MED6: variants seen among roughly 807,000 people sequenced by gnomAD.
MED6 encodes mediator of RNA polymerase II transcription subunit 6.
A neutral mutation model predicts 37.5 loss-of-function variants in MED6; 33 were observed. The observed-to-expected ratio is 0.88, with a 90% CI of 0.67 to 1.18. The LOEUF (loss-of-function observed/expected upper bound fraction) is 1.18. Among genes scored for constraint, MED6 ranks in the 50% most tolerant of loss-of-function variants. The probability of loss-of-function intolerance (pLI) is 0.00; values close to 1 mark genes in which losing one functional copy is unlikely to be tolerated. For synonymous variants in MED6, 94 were observed against 93.6 expected (o/e 1.00, Z -0.02); for missense variants, 235 against 290.6 (o/e 0.81, Z 1.39).
Position 70,591,364 on chromosome 14 carries a change from C to A in MED6, c.484G>T (p.Ala162Ser). 6.2e-7 allele frequency: 1 copy of A among 1,606,058 alleles called. No homozygotes were observed. Among genetic ancestry groups the A allele is most frequent in the South Asian group, 1.1e-5 (1 of 88,394 alleles). ...GAGCTTGGTTCTTCTTTCCTTTTGG[C>A]TTTAGGTCTGACTTTATCTATTAAA... ...HEEQDKVRPKAKRKEEPSSIF... is the reference protein window; with the variant it reads ...HEEQDKVRPKSKRKEEPSSIF... Residue 162 changes from alanine to serine, a missense_variant, in exon 6 of 8, where the codon GCC becomes TCC. Coordinates refer to ENST00000256379, the MANE Select transcript of MED6 (RefSeq NM_005466.4).
chr14:70,600,241 G>A (rs755315669), intron 1 of MED6, among the ~76,000 whole-genome samples: 1 of 152,146 alleles, frequency 6.6e-6, no homozygotes, highest in African/African-American at 2.4e-5. Flanking sequence ...CAAGTCCCAA[G>A]AGATGAATCA....
chr14:70,588,562 T>C (rs182724457), intron 6 of MED6, among the ~76,000 whole-genome samples: 3,358 of 151,994 alleles, frequency 0.022, 61 homozygotes, highest in Middle Eastern at 0.065. Flanking sequence ...GGCAGGTGCC[T>C]GTAGTCCCAG....
chr14:70,591,727 T>C (rs1957417455), intron 5 of MED6: 1 of 176,908 alleles, frequency 5.7e-6, no homozygotes. Context: ...ATTACCTTTG[T>C]TATTTTAAGT....
rs1324799443 is a variant in MED6 at position 70,584,770 on chromosome 14, AAC to A, written c.*41_*42del. On this transcript the variant is annotated 3_prime_UTR_variant, in exon 8 of 8. Transcript: ENST00000256379. The stretch of plus-strand genomic sequence containing the variant: ...AAGAGCCACAGTACTGAGGTATGAT[AAC>A]TAGCATGAGGAGTCTTCCAGGCTTC... The A allele has an allele frequency of 1.9e-6, 3 of 1,598,492 alleles. No homozygotes were observed. Among genetic ancestry groups the A allele is most frequent in the Non-Finnish European group, 2.6e-6 (3 of 1,174,680 alleles).
At chr14:70,586,050 T>C (rs1230057795) in intron 6 of MED6, among the ~76,000 whole-genome samples, 1 of 152,202 alleles carries the variant, frequency 6.6e-6, no homozygotes, top group Non-Finnish European at 1.5e-5. Flanking sequence ...CACTTGAACA[T>C]TTAACAAAGA....
rs1884619209 is a variant in MED6, at chr14:70,583,893, A to G, written c.*920T>C. The G allele has an allele frequency of 5.0e-6, 2 of 397,632 alleles. No homozygotes were observed. The highest frequency in any genetic ancestry group is 4.1e-5 in the African/African-American group (2 of 48,526). 24.6% of individuals were successfully genotyped at this position (397,632 alleles called of 1,614,324 possible). A position where few individuals can be genotyped will look rare whatever the true frequency, so the allele number is the denominator to read the frequency against. ...GGACTTTGCAGACTTCCTACCAGCA[A>G]GAAGGCCCTCACCAGATGGAGCCAA... is the stretch of plus-strand genomic sequence containing the variant. On this transcript the variant is annotated 3_prime_UTR_variant, in exon 8 of 8. Transcript: ENST00000256379.
chr14:70,597,763 T>C lies in MED6; in HGVS notation c.37A>G (p.Ile13Val), dbSNP rs1303412097. ...AVDIRDNLLG[I>V]SWVDSSWIPI... ...ATCCAAGAGCTGTCAACCCAAGAAA[T>C]TCCCAGCAGATTGTCTATGGGAAAG... The change falls in exon 2 of 8, where the codon ATT becomes GTT. Residue 13 changes from isoleucine to valine, a missense_variant. Coordinates refer to ENST00000256379, the MANE Select transcript of MED6 (RefSeq NM_005466.4). 6 of 1,550,992 alleles carry C rather than the reference T, an allele frequency of 3.9e-6. No homozygotes were observed. The highest frequency in any genetic ancestry group is 1.3e-5 in the South Asian group (1 of 79,868).
At chr14:70,600,148 C>T (rs951126758) in intron 1 of MED6, among the ~76,000 whole-genome samples, 7 of 151,834 alleles carry the variant, frequency 4.6e-5, no homozygotes, top group African/African-American at 1.5e-4. Flanking sequence ...AAAGTATTAT[C>T]GACTCAAAAA....
At chr14:70,595,766 C>T (rs1339098920) in intron 3 of MED6, 6 of 712,476 alleles carry the variant, frequency 8.4e-6, no homozygotes, top group South Asian at 1.5e-5. Context: ...AGACCCCACC[C>T]GCCAGGTAGT....
Position 70,597,631 on chromosome 14 carries a change from A to C in MED6, c.169T>G (p.Leu57Val). 1 of 1,502,506 alleles carries C rather than the reference A, an allele frequency of 6.7e-7. No individual in the cohort carries two copies. The highest frequency in any genetic ancestry group is 8.8e-7 in the Non-Finnish European group (1 of 1,130,646). The allele number at this position is 1,502,506 out of a possible 1,614,324, so 93.1% of individuals were successfully genotyped here. A position where few individuals can be genotyped will look rare whatever the true frequency, so the allele number is the denominator to read the frequency against. The change falls in exon 2 of 8, where the codon TTA (leucine) becomes GTA (valine). Residue 57 changes from leucine (L) to valine (V), a missense_variant. Physicochemically the swap from Leu to Val is conservative, Grantham distance 32. Transcript: ENST00000256379. ...AAAATAACTTACTTCAAGTGTTCTAATGTTAGCCTCTGCATTTTGACCACT... is the reference window on the plus strand; with the variant it reads ...AAAATAACTTACTTCAAGTGTTCTACTGTTAGCCTCTGCATTTTGACCACT... ...NEVVKMQRLT[L>V]EHLNQMVGIE...
rs1401951439 is a variant in MED6, at chr14:70,584,169, T to A, written c.*644A>T. 3 of 757,720 alleles carry A rather than the reference T, an allele frequency of 4.0e-6. No individual in the cohort carries two copies. The highest frequency in any genetic ancestry group is 3.4e-5 in the African/African-American group (2 of 58,318). The allele number at this position is 757,720 out of a possible 1,614,324, so 46.9% of individuals were successfully genotyped here. A position where few individuals can be genotyped will look rare whatever the true frequency, so the allele number is the denominator to read the frequency against. ...AATATGCTTAGTTACTACTTTAACA[T>A]CCTTTATGTCTTCAAAGTGCATCTG... is the stretch of plus-strand genomic sequence containing the variant. On this transcript the variant is annotated 3_prime_UTR_variant, in exon 8 of 8. Transcript: ENST00000256379.
chr14:70,588,713 AATAATAATAATAAT>A (rs1256916332), intron 6 of MED6, among the ~76,000 whole-genome samples: 1 of 126,280 alleles, frequency 7.9e-6, no homozygotes, highest in African/African-American at 3.5e-5. Context: ...TAATAATAAT[AATAATAATAATAAT>A]AATAATAATA....
At chr14:70,592,529 T>C (rs1218449346) in intron 5 of MED6, 1 of 135,130 alleles carries the variant, frequency 7.4e-6, no homozygotes, top group African/African-American at 2.7e-5. Context: ...GGTTTCACTA[T>C]GTTGCCCAAG....
intron 7 of MED6, 47 bp downstream of exon 7, chr14:70,585,709 T>C (rs1398299000): frequency 6.6e-7 from 1 of 1,521,874 alleles, no homozygotes; most frequent in East Asian, 2.3e-5. Context: ...ATTTACAAGC[T>C]GTTTGACCTT....
chr14:70,595,800 C>T (rs1419441395), intron 3 of MED6: 1 of 699,210 alleles, frequency 1.4e-6, no homozygotes, highest in Non-Finnish European at 2.6e-6. Context: ...GTGTCTGAGA[C>T]CAACAACATC....
chr14:70,593,181 T>C (rs1055175343), intron 4 of MED6, 115 bp downstream of exon 4: 1 of 1,203,684 alleles, frequency 8.3e-7, no homozygotes, highest in Non-Finnish European at 1.2e-6. Context: ...GACATTCTAA[T>C]AGTCAATACT....
chr14:70,600,529 A>G (rs1477340573), intron 1 of MED6, 87 bp downstream of exon 1: 8 of 1,466,954 alleles, frequency 5.5e-6, no homozygotes, highest in Middle Eastern at 1.7e-4. Context: ...CTTCACACAA[A>G]GGAACCTAAA....
Position 70,584,953 on chromosome 14 carries a change from A to C in MED6, c.611-10T>G. 6.2e-7 allele frequency: 1 copy of C among 1,610,860 alleles called. No individual in the cohort carries two copies. Among genetic ancestry groups the C allele is most frequent in the African/African-American group, 1.3e-5 (1 of 74,710 alleles). ...TTCTTTGTTTGATCCACTAGATATC[A>C]AAAGTAGATTTTTTGGGAGGGAGAT... On this transcript the variant is annotated splice_polypyrimidine_tract_variant and intron_variant, in intron 7 of 7. Transcript: ENST00000256379.
chr14:70,596,279 T>G (rs1182043577), intron 3 of MED6: 1 of 209,270 alleles, frequency 4.8e-6, no homozygotes, highest in Non-Finnish European at 9.7e-6. Flanking sequence ...GCAGCTGCAT[T>G]TCACTGCTGG....
Sources: gnomAD v4.1 joint callset for allele counts (sites outside exome capture counted in the v4.1 genomes callset) on GRCh38, gnomAD v4.1.1 for gene constraint, MANE v1.5 for transcripts, NCBI Gene and HGNC (gene_info 2026-07-23, HGNC 2026-07-21) for gene names.